FAM81A: variants seen among roughly 807,000 people sequenced by gnomAD.
The protein encoded by FAM81A is family with sequence similarity 81 member A.
A neutral mutation model predicts 46.7 loss-of-function variants in FAM81A; 19 were observed. That is an observed-to-expected ratio of 0.41 (90% CI 0.28 to 0.60). FAM81A has a LOEUF of 0.60. Among genes scored for constraint, FAM81A ranks in the 20% least tolerant of loss-of-function variants. The pLI is 0.34. For synonymous variants in FAM81A, 183 were observed against 152.9 expected (o/e 1.20, Z -1.45); for missense variants, 377 against 453.5 (o/e 0.83, Z 1.53).
At chr15:59,508,553 A>G (rs1461842163) in intron 5 of FAM81A, among the ~76,000 whole-genome samples, 1 of 152,208 alleles carries the variant, frequency 6.6e-6, no homozygotes, top group East Asian at 1.9e-4. Context: ...TTCCAAGGTA[A>G]GGTTGACTAT....
chr15:59,431,694 A>C (rs1253460476), intron 2 of FAM81A, among the ~76,000 whole-genome samples: 2 of 152,224 alleles, frequency 1.3e-5, no homozygotes, highest in Non-Finnish European at 2.9e-5. Flanking sequence ...TTCCCCAAGG[A>C]AAGTCAAAGA....
At position 59,521,486 on chromosome 15, in the gene FAM81A, T is replaced by A. The variant is rs1317999215; in HGVS notation, c.*108T>A. 1 of 1,318,306 alleles carries A rather than the reference T, an allele frequency of 7.6e-7. No individual in the cohort carries two copies. Among genetic ancestry groups the A allele is most frequent in the Non-Finnish European group, 1.0e-6 (1 of 997,114 alleles). 81.7% of individuals were successfully genotyped at this position (1,318,306 alleles called of 1,614,324 possible). A position where few individuals can be genotyped will look rare whatever the true frequency, so the allele number is the denominator to read the frequency against. On this transcript the variant is annotated 3_prime_UTR_variant, in exon 9 of 9. Transcript: ENST00000288228. ...ATTCAGGATTGTTCCATCCATGGCG[T>A]GCATGTGCCAAGAAATGTGTTTTTA...
chr15:59,475,658 A>T (rs1304304604), intron 3 of FAM81A, among the ~76,000 whole-genome samples: 1 of 152,222 alleles, frequency 6.6e-6, no homozygotes, highest in East Asian at 1.9e-4. Flanking sequence ...ACTGAGTAAA[A>T]TCTAAATTTG....
intron 2 of FAM81A, among the ~76,000 whole-genome samples, chr15:59,410,460 C>T (rs1596460029): frequency 6.6e-6 from 1 of 152,170 alleles, no homozygotes; most frequent in Non-Finnish European, 1.5e-5. Flanking sequence ...TAAACCTTAT[C>T]CTCCTCTGTG....
intron 2 of FAM81A, among the ~76,000 whole-genome samples, chr15:59,413,415 TAAACAC>T (rs1468178329): frequency 1.0e-5 from 1 of 95,240 alleles, no homozygotes; most frequent in African/African-American, 4.8e-5. Flanking sequence ...TTGAGAGCAT[TAAACAC>T]ACACACACAC....
chr15:59,420,022 A>C (rs2081164043), intron 2 of FAM81A, among the ~76,000 whole-genome samples: 1 of 152,208 alleles, frequency 6.6e-6, no homozygotes, highest in Non-Finnish European at 1.5e-5. Context: ...AGCTGGACTC[A>C]GAGCCAATGC....
intron 3 of FAM81A, among the ~76,000 whole-genome samples, chr15:59,476,551 C>T (rs1035446894): frequency 3.9e-5 from 6 of 152,128 alleles, no homozygotes; most frequent in African/African-American, 1.4e-4. Flanking sequence ...GTGGGATCCA[C>T]AAGGTGGGTG....
At chr15:59,455,507 C>T (rs78347126) in intron 1 of FAM81A, among the ~76,000 whole-genome samples, 5,879 of 152,236 alleles carry the variant, frequency 0.039, 139 homozygotes, top group South Asian at 0.051. Context: ...AATCCTGTGA[C>T]TTATTCATTA....
At chr15:59,504,020 C>G (rs2082123950) in intron 4 of FAM81A, among the ~76,000 whole-genome samples, 1 of 152,154 alleles carries the variant, frequency 6.6e-6, no homozygotes, top group South Asian at 2.1e-4. Flanking sequence ...GTCTGTCCCT[C>G]AAACGGCTTT....
upstream of FAM81A, among the ~76,000 whole-genome samples, chr15:59,435,549 G>C (rs1333369629): frequency 6.6e-6 from 1 of 152,198 alleles, no homozygotes; most frequent in Non-Finnish European, 1.5e-5. Flanking sequence ...GAACCCAGGA[G>C]GCAGAGGTTG....
At chr15:59,432,693 A>C (rs1463884581) in intron 2 of FAM81A, among the ~76,000 whole-genome samples, 1 of 152,214 alleles carries the variant, frequency 6.6e-6, no homozygotes. Flanking sequence ...ATAAAGTACT[A>C]CAAGTAAGCA....
At chr15:59,444,957 A>G (rs1281849233) in intron 1 of FAM81A, 1 of 152,222 alleles carries the variant, frequency 6.6e-6, no homozygotes, top group Non-Finnish European at 1.5e-5. Context: ...GTTTATCGGA[A>G]GGAACATAAT....
At chr15:59,472,940 A>G (rs1306566942) in intron 3 of FAM81A, among the ~76,000 whole-genome samples, 5 of 152,204 alleles carry the variant, frequency 3.3e-5, no homozygotes, top group Non-Finnish European at 5.9e-5. Context: ...GTGCTGAGTC[A>G]GTTTTATCCC....
At chr15:59,420,616 TTATTG>T (rs2081167342) in intron 2 of FAM81A, among the ~76,000 whole-genome samples, 1 of 152,212 alleles carries the variant, frequency 6.6e-6, no homozygotes, top group East Asian at 1.9e-4. Flanking sequence ...TTTATAAGAT[TTATTG>T]TATAATCCCA....
intron 6 of FAM81A, among the ~76,000 whole-genome samples, chr15:59,509,478 G>T (rs555976268): frequency 1.3e-5 from 2 of 152,282 alleles, no homozygotes; most frequent in Admixed American, 1.3e-4. Context: ...TTAAGTTATG[G>T]ATTTTAAAAT....
At chr15:59,442,386 G>A (rs375454066) in intron 1 of FAM81A, among the ~76,000 whole-genome samples, 1 of 152,106 alleles carries the variant, frequency 6.6e-6, no homozygotes, top group Admixed American at 6.5e-5. Context: ...GCCAAGGCGG[G>A]TGTATCACCT....
At chr15:59,438,120 GGGCCGCGCGCCGGGCCA>G (rs1255376538), upstream of FAM81A, 1 of 146,190 alleles carries the variant, frequency 6.8e-6, no homozygotes, top group African/African-American at 2.5e-5. Flanking sequence ...GAACCCGGCC[GGGCCGCGCGCCGGGCCA>G]GGCGGCAGGC....
chr15:59,496,588 T>G (rs373136744), intron 4 of FAM81A, among the ~76,000 whole-genome samples: 143 of 150,698 alleles, frequency 9.5e-4, no homozygotes, highest in African/African-American at 3.4e-3. Flanking sequence ...CTGGGCAACA[T>G]AGCAAGACTC....
Position 59,482,822 on chromosome 15 carries a change from C to T in FAM81A, c.295-9449C>T, listed in dbSNP as rs549783208. 3.3e-5 allele frequency among the ~76,000 whole-genome samples: 5 copies of T among 152,254 alleles called. No individual in the cohort carries two copies. The East Asian group carries it at 5.8e-4, about 18-fold the overall frequency. On this transcript the variant is annotated intron_variant, in intron 3 of 8. Coordinates refer to ENST00000288228, the MANE Select transcript of FAM81A (RefSeq NM_152450.3). Reference sequence around the variant, plus strand: ...TACTTCCTATTAAGAGAGAGTGCACCGGAGCTTGCCAGCGCCTTCTCATCA... The same window carrying T: ...TACTTCCTATTAAGAGAGAGTGCACTGGAGCTTGCCAGCGCCTTCTCATCA...
Sources: gnomAD v4.1 joint callset for allele counts (sites outside exome capture counted in the v4.1 genomes callset) on GRCh38, gnomAD v4.1.1 for gene constraint, MANE v1.5 for transcripts, NCBI Gene and HGNC (gene_info 2026-07-23, HGNC 2026-07-21) for gene names.